INPP5B: variants seen among roughly 807,000 people sequenced by gnomAD.
The protein encoded by INPP5B is inositol polyphosphate-5-phosphatase B, also known as type II inositol 1,4,5-trisphosphate 5-phosphatase.
INPP5B carries 90 observed loss-of-function variants against 118.5 expected under a neutral mutation model. That is an observed-to-expected ratio of 0.76 (90% CI 0.64 to 0.90). The LOEUF (loss-of-function observed/expected upper bound fraction) is 0.90, where lower values mean the gene tolerates loss of function less well. INPP5B is among the 40% of genes least tolerant of loss of function. INPP5B has a pLI of 0.00. For missense variants in INPP5B, 984 were observed against 1,125.6 expected (o/e 0.87, Z 1.80); for synonymous variants, 385 against 418.9 (o/e 0.92, Z 0.99).
At chr1:37,892,618 C>G (rs1189184466) in intron 7 of INPP5B, among the ~76,000 whole-genome samples, 2 of 152,164 alleles carry the variant, frequency 1.3e-5, no homozygotes, top group African/African-American at 4.8e-5. Flanking sequence ...ATTTCTCAAC[C>G]ATGCATTCAC....
intron 7 of INPP5B, among the ~76,000 whole-genome samples, chr1:37,894,228 C>T (rs1643933267): frequency 2.0e-5 from 3 of 152,296 alleles, no homozygotes; most frequent in Admixed American, 6.5e-5. Context: ...ATAGGCTGCA[C>T]TTCACCAACT....
rs765580240 is a variant in INPP5B, at chr1:37,878,225, CT to C, written c.1639del (p.Ser547ValfsTer14). The C allele has an allele frequency of 2.5e-6, 4 of 1,614,150 alleles. 1 individual carries two copies. The South Asian group carries it at 4.4e-5, about 18-fold the overall frequency. ...SYQSHMALKT[S>X]DHKPVSSVFD... ...CACTGAGCTGACAGGCTTGTGGTCA[CT>C]GGTCTTCAGGGCCATGTGGCTCTGG... On this transcript the variant is annotated frameshift_variant, in exon 16 of 24. Transcript: ENST00000373024. LOFTEE classifies it high-confidence loss of function.
At chr1:37,864,136 G>A (rs753663650) in intron 23 of INPP5B, among the ~76,000 whole-genome samples, 176 bp downstream of exon 23, 51 of 151,984 alleles carry the variant, frequency 3.4e-4, no homozygotes, top group Admixed American at 7.2e-4. Context: ...TTACTCTTGT[G>A]TTGTTAGGAG....
chr1:37,934,051 A>T (rs912705040), intron 6 of INPP5B, among the ~76,000 whole-genome samples: 2 of 151,900 alleles, frequency 1.3e-5, no homozygotes, highest in South Asian at 4.2e-4. Flanking sequence ...CTCCTGCCTC[A>T]GACTCCTGAG....
chr1:37,906,933 G>GT (rs548206446), intron 7 of INPP5B, among the ~76,000 whole-genome samples: 2 of 151,578 alleles, frequency 1.3e-5, no homozygotes, highest in Non-Finnish European at 2.9e-5. Flanking sequence ...TTGTGTTTAC[G>GT]TTTTTTCCTG....
At chr1:37,888,803 T>G (rs9659995) in intron 9 of INPP5B, among the ~76,000 whole-genome samples, 167 of 152,360 alleles carry the variant, frequency 1.1e-3, no homozygotes, top group African/African-American at 3.8e-3. Context: ...TTGAAAGATC[T>G]AGCAGAATCC....
At chr1:37,928,636 A>C (rs1645333242) in intron 7 of INPP5B, 1 of 152,204 alleles carries the variant, frequency 6.6e-6, no homozygotes, top group South Asian at 2.1e-4. Flanking sequence ...CTGGGATTAC[A>C]GGCATAAGCC....
At chr1:37,866,290 C>G (rs570824515) in intron 21 of INPP5B, among the ~76,000 whole-genome samples, 169 bp downstream of exon 21, 91 of 152,210 alleles carry the variant, frequency 6.0e-4, no homozygotes, top group African/African-American at 2.0e-3. Context: ...AAAGTCTTCT[C>G]TATGCAAACT....
intron 7 of INPP5B, among the ~76,000 whole-genome samples, chr1:37,906,202 T>C (rs1644497053): frequency 6.6e-6 from 1 of 152,170 alleles, no homozygotes; most frequent in South Asian, 2.1e-4. Context: ...GCCTCATACC[T>C]TGGCTACAGA....
At chr1:37,928,329 A>G (rs1645319426) in intron 7 of INPP5B, among the ~76,000 whole-genome samples, 2 of 151,856 alleles carry the variant, frequency 1.3e-5, no homozygotes, top group Non-Finnish European at 2.9e-5. Context: ...GCCTGCCACC[A>G]TGCTCAGCTA....
intron 5 of INPP5B, among the ~76,000 whole-genome samples, chr1:37,941,511 C>T (rs1325141587): frequency 1.3e-5 from 2 of 151,904 alleles, no homozygotes; most frequent in Non-Finnish European, 2.9e-5. Flanking sequence ...AAAAATTAGC[C>T]AGATGTGGAG....
At chr1:37,900,837 GTC>G (rs1329110061) in intron 7 of INPP5B, among the ~76,000 whole-genome samples, 1 of 150,310 alleles carries the variant, frequency 6.7e-6, no homozygotes, top group Non-Finnish European at 1.5e-5. Context: ...TTGAGACAGA[GTC>G]TCTCTCTTGT....
At chr1:37,921,546 T>C (rs1173683399) in intron 7 of INPP5B, among the ~76,000 whole-genome samples, 1 of 152,176 alleles carries the variant, frequency 6.6e-6, no homozygotes, top group Non-Finnish European at 1.5e-5. Flanking sequence ...ATAGATTCTA[T>C]CATTTAAAAT....
intron 9 of INPP5B, among the ~76,000 whole-genome samples, chr1:37,888,849 C>A (rs961269816): frequency 6.6e-6 from 1 of 152,056 alleles, no homozygotes; most frequent in South Asian, 2.1e-4. Context: ...AGTAATCTTG[C>A]CTAAAAAGAT....
rs1480837168 is a variant in INPP5B, at chr1:37,862,022, C to A, written c.*293G>T. 1 of 260,592 alleles carries A rather than the reference C, an allele frequency of 3.8e-6. No individual in the cohort carries two copies. Among genetic ancestry groups the A allele is most frequent in the African/African-American group, 2.3e-5 (1 of 44,158 alleles). The allele number at this position is 260,592 out of a possible 1,614,324, so 16.1% of individuals were successfully genotyped here. ...CCGCACTCCACCCTGCGCGACAGAG[C>A]AAAACTCCGTCTCAAAATAAAAAAA... On this transcript the variant is annotated 3_prime_UTR_variant, in exon 24 of 24. Coordinates refer to ENST00000373024, the MANE Select transcript of INPP5B (RefSeq NM_005540.3).
intron 7 of INPP5B, among the ~76,000 whole-genome samples, chr1:37,894,587 G>C (rs1485089462): frequency 1.3e-5 from 2 of 148,894 alleles, no homozygotes; most frequent in East Asian, 3.9e-4. Flanking sequence ...TTTGAGACAG[G>C]GTCTCGCTCT....
At chr1:37,878,371 C>G in intron 15 of INPP5B, 48 bp from the exon 16 acceptor site, 2 of 1,606,342 alleles carry the variant, frequency 1.2e-6, no homozygotes, top group Non-Finnish European at 1.7e-6. Flanking sequence ...ACAGCAGTGC[C>G]CGCTGCCTGG....
intron 6 of INPP5B, among the ~76,000 whole-genome samples, chr1:37,938,820 A>G (rs139780534): frequency 0.015 from 2,236 of 152,076 alleles, 40 homozygotes; most frequent in African/African-American, 0.04. Flanking sequence ...ACTTTGGGAG[A>G]CCAAGGTGGG....
chr1:37,879,974 G>A, intron 15 of INPP5B, 111 bp downstream of exon 15: 1 of 591,522 alleles, frequency 1.7e-6, no homozygotes, highest in South Asian at 2.4e-5. Context: ...GCAAAACATA[G>A]GGAAAAAGTC....
Sources: allele counts gnomAD v4.1 joint callset (sites outside exome capture counted in the v4.1 genomes callset), GRCh38; gene constraint gnomAD v4.1.1; transcripts MANE v1.5; gene names NCBI Gene and HGNC (gene_info 2026-07-23, HGNC 2026-07-21).